The following RABGAP1 variants were observed in gnomAD, a reference collection of about 807,000 sequenced individuals.
RABGAP1 encodes rab GTPase-activating protein 1.
A neutral mutation model predicts 137.6 loss-of-function variants in RABGAP1; 23 were observed. The observed-to-expected ratio is 0.17, with a 90% confidence interval of 0.12 to 0.24. The LOEUF is 0.24. Ranked by LOEUF, RABGAP1 falls within the 10% of genes least tolerant of loss-of-function variation. RABGAP1 has a pLI of 1.00. For synonymous variants in RABGAP1, 451 were observed against 450.7 expected (o/e 1.00, Z -0.01); for missense variants, 906 against 1,275.8 (o/e 0.71, Z 4.42).
intron 10 of RABGAP1, 93 bp from the exon 11 acceptor site, chr9:123,010,261 G>A (rs2030680233): frequency 6.8e-6 from 8 of 1,173,298 alleles, no homozygotes; most frequent in Non-Finnish European, 9.4e-6. Context: ...AGTGAGCCGA[G>A]ATCACTGCAA....
intron 6 of RABGAP1, among the ~76,000 whole-genome samples, chr9:122,994,736 G>T (rs1836928567): frequency 6.6e-6 from 1 of 152,086 alleles, no homozygotes; most frequent in Non-Finnish European, 1.5e-5. Flanking sequence ...TTTGCATATT[G>T]GCTGATGGCC....
At chr9:123,103,029 C>T (rs1240064007) in intron 25 of RABGAP1, 62 bp from the exon 26 acceptor site, 1 of 1,578,724 alleles carries the variant, frequency 6.3e-7, no homozygotes, top group East Asian at 2.3e-5. Context: ...TGGTTCTCCT[C>T]TGGGGAGCCA....
chr9:122,932,291 A>T, the RABGAP1 span, among the ~76,000 whole-genome samples: 12 of 152,280 alleles, frequency 7.9e-5, no homozygotes, highest in African/African-American at 2.9e-4. Flanking sequence ...TTGTAAGTGT[A>T]AAACTTGATG....
chr9:123,067,436 T>C (rs535433599), intron 14 of RABGAP1, among the ~76,000 whole-genome samples: 1 of 152,350 alleles, frequency 6.6e-6, no homozygotes, highest in Non-Finnish European at 1.5e-5. Flanking sequence ...GAAACCTTTA[T>C]AACTGCTACT....
intron 13 of RABGAP1, among the ~76,000 whole-genome samples, chr9:123,042,294 G>A (rs756922433): frequency 1.3e-5 from 2 of 152,164 alleles, no homozygotes; most frequent in Non-Finnish European, 2.9e-5. Flanking sequence ...CATGCACACA[G>A]AGCTCACAGT....
intron 14 of RABGAP1, among the ~76,000 whole-genome samples, chr9:123,067,430 C>G (rs1410890498): frequency 1.3e-5 from 2 of 152,206 alleles, no homozygotes; most frequent in Non-Finnish European, 2.9e-5. Flanking sequence ...TCCACAGAAA[C>G]CTTTATAACT....
intron 1 of RABGAP1, among the ~76,000 whole-genome samples, chr9:122,942,484 A>G (rs1309503761): frequency 1.3e-5 from 2 of 152,116 alleles, no homozygotes; most frequent in Non-Finnish European, 2.9e-5. Flanking sequence ...AGCCTGTCCA[A>G]TATGGTGAAA....
chr9:123,053,097 G>A (rs192588102), intron 13 of RABGAP1, among the ~76,000 whole-genome samples: 1 of 152,292 alleles, frequency 6.6e-6, no homozygotes, highest in African/African-American at 2.4e-5. Flanking sequence ...GATGGGTTCA[G>A]TATTTAATTT....
chr9:123,037,086 G>T (rs1338821289), intron 13 of RABGAP1, among the ~76,000 whole-genome samples: 1 of 152,158 alleles, frequency 6.6e-6, no homozygotes, highest in Admixed American at 6.5e-5. Context: ...CCTTTGGCTA[G>T]AGGTTGTAAT....
intron 13 of RABGAP1, 127 bp downstream of exon 13, chr9:123,020,586 C>T: frequency 1.0e-6 from 1 of 977,618 alleles, no homozygotes; most frequent in Non-Finnish European, 1.3e-6. Context: ...ACTGTTAATA[C>T]TTCCAGCTCT....
chr9:123,040,925 C>G (rs955301970), intron 13 of RABGAP1, among the ~76,000 whole-genome samples: 4 of 152,046 alleles, frequency 2.6e-5, no homozygotes, highest in Non-Finnish European at 5.9e-5. Flanking sequence ...GAAACCAGCC[C>G]AGTGGCCACT....
intron 18 of RABGAP1, 143 bp from the exon 19 acceptor site, chr9:123,076,491 A>G (rs2034514283): frequency 1.9e-6 from 2 of 1,065,510 alleles, no homozygotes; most frequent in Non-Finnish European, 2.7e-6. Context: ...CTAACAGTGG[A>G]TGTATGCAGG....
chr9:122,945,511 T>C (rs1833901803), intron 1 of RABGAP1: 1 of 152,160 alleles, frequency 6.6e-6, no homozygotes, highest in Admixed American at 6.5e-5. Context: ...CACTATACAG[T>C]GAAATAAAGC....
intron 2 of RABGAP1, among the ~76,000 whole-genome samples, chr9:122,968,950 T>C (rs750933559): frequency 6.6e-6 from 1 of 152,234 alleles, no homozygotes; most frequent in Admixed American, 6.5e-5. Context: ...CCATTTTTAC[T>C]GTAGTCACCC....
At chr9:123,059,445 C>G (rs557244196) in intron 13 of RABGAP1, among the ~76,000 whole-genome samples, 2 of 152,262 alleles carry the variant, frequency 1.3e-5, no homozygotes, top group African/African-American at 4.8e-5. Flanking sequence ...GTCCCAGCTA[C>G]TCAGGAGGCT....
intron 13 of RABGAP1, among the ~76,000 whole-genome samples, chr9:123,047,399 T>A (rs2033253619): frequency 6.6e-6 from 1 of 152,176 alleles, no homozygotes; most frequent in Non-Finnish European, 1.5e-5. Flanking sequence ...GTAGCTGTTT[T>A]CCAAGAATTT....
chr9:122,953,253 G>A (rs1346558694), intron 1 of RABGAP1, among the ~76,000 whole-genome samples: 2 of 152,194 alleles, frequency 1.3e-5, no homozygotes, highest in Middle Eastern at 3.4e-3. Context: ...ACTATTGGGC[G>A]CTTATAATGT....
chr9:122,946,847 T>C (rs1282253878), intron 1 of RABGAP1, among the ~76,000 whole-genome samples: 1 of 152,100 alleles, frequency 6.6e-6, no homozygotes, highest in African/African-American at 2.4e-5. Flanking sequence ...GAACTCTGTT[T>C]TATGCACATT....
rs1279214329 is a variant in RABGAP1 at position 122,986,265 on chromosome 9, G to C, written c.436G>C (p.Val146Leu). Residue 146 changes from valine (V) to leucine (L), a missense_variant, in exon 4 of 26, where the codon GTT (valine) becomes CTT (leucine). Val to Leu is a conservative substitution (Grantham distance 32). Coordinates refer to ENST00000373647, the MANE Select transcript of RABGAP1 (RefSeq NM_012197.4). ...FTPVADEDSVVFSKLTYLGCA... is the reference protein window; with the variant it reads ...FTPVADEDSVLFSKLTYLGCA... ...ACCAGTGGCCGATGAGGACAGCGTA[G>C]TTTTCAGTAAACTGACTTACTTAGG... 6.2e-7 allele frequency: 1 copy of C among 1,614,198 alleles called. No individual in the cohort carries two copies. The highest frequency in any genetic ancestry group is 2.2e-5 in the East Asian group (1 of 44,884).
Sources: gnomAD v4.1 joint callset for allele counts (sites outside exome capture counted in the v4.1 genomes callset) on GRCh38, gnomAD v4.1.1 for gene constraint, MANE v1.5 for transcripts, NCBI Gene and HGNC (gene_info 2026-07-23, HGNC 2026-07-21) for gene names.